MCU: variants seen among roughly 807,000 people sequenced by gnomAD.
MCU encodes mitochondrial calcium uniporter, also known as calcium uniporter protein, mitochondrial.
Under a neutral mutation model 45.2 loss-of-function variants are expected in MCU, and 12 were observed. That is an observed-to-expected ratio of 0.27 (90% CI 0.17 to 0.43). The LOEUF is 0.43. MCU is among the 20% of genes least tolerant of loss of function. The pLI is 1.00. For synonymous variants in MCU, 160 were observed against 165.1 expected (o/e 0.97, Z 0.24); for missense variants, 324 against 436.7 (o/e 0.74, Z 2.30).
At position 72,714,029 on chromosome 10, in the gene MCU, C is replaced by T. The variant is rs148772341; in HGVS notation, c.150+21728C>T. Among the ~76,000 whole-genome samples, 795 of 150,778 alleles carry T rather than the reference C, an allele frequency of 5.3e-3. 11 individuals carry two copies. The highest frequency in any genetic ancestry group is 0.018 in the African/African-American group (751 of 40,892). On this transcript the variant is annotated intron_variant, in intron 1 of 7. Transcript: ENST00000373053. The stretch of plus-strand genomic sequence containing the variant: ...TCGTCCAGCCTGGAGTGCAATGGCG[C>T]GATCTTGGCTCACTGCAACCTCCGC...
At chr10:72,859,406 T>G in intron 3 of MCU, 59 bp downstream of exon 3, 2 of 1,485,128 alleles carry the variant, frequency 1.3e-6, no homozygotes, top group South Asian at 2.5e-5. Context: ...ACACCATTTC[T>G]AGACACATAC....
At chr10:72,769,056 G>T (rs1843768901) in intron 1 of MCU, among the ~76,000 whole-genome samples, 1 of 151,638 alleles carries the variant, frequency 6.6e-6, no homozygotes. Flanking sequence ...GTCTTGGTAT[G>T]TTGCCCAGGC....
At chr10:72,800,812 T>C (rs1286321364) in intron 1 of MCU, among the ~76,000 whole-genome samples, 2 of 152,300 alleles carry the variant, frequency 1.3e-5, no homozygotes, top group South Asian at 2.1e-4. Context: ...ATCTAAGGTG[T>C]TGGATTATTT....
intron 1 of MCU, among the ~76,000 whole-genome samples, chr10:72,714,028 G>A (rs1842926832): frequency 6.6e-6 from 1 of 150,906 alleles, no homozygotes; most frequent in Admixed American, 6.6e-5. Flanking sequence ...GTGCAATGGC[G>A]CGATCTTGGC....
At chr10:72,707,308 C>T (rs1330469862) in intron 1 of MCU, among the ~76,000 whole-genome samples, 3 of 150,292 alleles carry the variant, frequency 2.0e-5, no homozygotes, top group African/African-American at 7.4e-5. Flanking sequence ...TAGCAATTCT[C>T]CTGCCTCAGC....
At chr10:72,864,786 A>G (rs1845428976) in intron 4 of MCU, among the ~76,000 whole-genome samples, 1 of 152,232 alleles carries the variant, frequency 6.6e-6, no homozygotes, top group Non-Finnish European at 1.5e-5. Flanking sequence ...TTAAACATGT[A>G]GATCAGGGAC....
chr10:72,824,474 G>T (rs1249581549), intron 1 of MCU, among the ~76,000 whole-genome samples: 2 of 151,542 alleles, frequency 1.3e-5, no homozygotes, highest in African/African-American at 4.9e-5. Flanking sequence ...CTCCCAAAGT[G>T]CTGGGATTAC....
At chr10:72,858,267 C>T (rs1459469333) in intron 2 of MCU, among the ~76,000 whole-genome samples, 1 of 152,202 alleles carries the variant, frequency 6.6e-6, no homozygotes, top group African/African-American at 2.4e-5. Context: ...CTTCATGCCC[C>T]TTCATGGGTC....
At chr10:72,796,069 C>G (rs1844240127) in intron 1 of MCU, among the ~76,000 whole-genome samples, 1 of 152,094 alleles carries the variant, frequency 6.6e-6, no homozygotes, top group Non-Finnish European at 1.5e-5. Flanking sequence ...TCACAAAACA[C>G]CAGGAAACCC....
intron 1 of MCU, among the ~76,000 whole-genome samples, chr10:72,804,430 C>A (rs1844398855): frequency 6.6e-6 from 1 of 151,992 alleles, no homozygotes; most frequent in Admixed American, 6.6e-5. Flanking sequence ...TCAAATACCA[C>A]AAAATCCAGA....
chr10:72,799,419 A>C (rs1844303540), intron 1 of MCU, among the ~76,000 whole-genome samples: 2 of 152,222 alleles, frequency 1.3e-5, no homozygotes, highest in African/African-American at 4.8e-5. Flanking sequence ...GTTAAGTTCC[A>C]GCCTTCACAA....
In MCU at chr10:72,856,972, G is replaced by A. The variant is rs576609178; in HGVS notation, c.221-2205G>A. On this transcript the variant is annotated intron_variant, in intron 2 of 7. Transcript: ENST00000373053. ...AAAAAAAAAAAGGTTTTAGACATGG[G>A]GTCCCACTCGGTTGCTCAGGCTGGA... Among the ~76,000 whole-genome samples, 4 of 150,830 alleles carry A rather than the reference G, an allele frequency of 2.7e-5. No homozygotes were observed. In the South Asian group the frequency reaches 8.4e-4, roughly 32 times the overall value.
chr10:72,845,395 G>T (rs544673216), intron 2 of MCU, among the ~76,000 whole-genome samples: 2 of 151,974 alleles, frequency 1.3e-5, no homozygotes, highest in Non-Finnish European at 2.9e-5. Flanking sequence ...CTGGTTTTTC[G>T]ATATATAAAT....
At chr10:72,751,048 TG>T (rs778421973) in intron 1 of MCU, among the ~76,000 whole-genome samples, 1 of 152,226 alleles carries the variant, frequency 6.6e-6, no homozygotes, top group Non-Finnish European at 1.5e-5. Context: ...TTGCCCAGGC[TG>T]GAATGCAGTG....
At chr10:72,849,859 A>G (rs1008339023) in intron 2 of MCU, among the ~76,000 whole-genome samples, 25 of 151,976 alleles carry the variant, frequency 1.6e-4, no homozygotes, top group African/African-American at 5.6e-4. Flanking sequence ...TAGTCAAATG[A>G]TGAGATCCAA....
At chr10:72,852,303 A>C (rs1357181393) in intron 2 of MCU, among the ~76,000 whole-genome samples, 6 of 152,270 alleles carry the variant, frequency 3.9e-5, no homozygotes, top group Admixed American at 3.9e-4. Context: ...TAGATAGTAC[A>C]TGCTATATAT....
intron 1 of MCU, among the ~76,000 whole-genome samples, chr10:72,729,567 A>T (rs111309101): frequency 6.6e-6 from 1 of 152,246 alleles, no homozygotes; most frequent in Admixed American, 6.5e-5. Context: ...ATGTTAGAAC[A>T]GTAACCACTC....
At chr10:72,722,600 T>C (rs184830342) in intron 1 of MCU, among the ~76,000 whole-genome samples, 136 of 151,984 alleles carry the variant, frequency 8.9e-4, no homozygotes, top group African/African-American at 2.7e-3. Context: ...ATAGCTATAG[T>C]TACTTTTTAA....
At chr10:72,790,714 G>C (rs1038831443) in intron 1 of MCU, among the ~76,000 whole-genome samples, 1 of 152,092 alleles carries the variant, frequency 6.6e-6, no homozygotes, top group Non-Finnish European at 1.5e-5. Context: ...GGGAAGGCTG[G>C]TGCTACATAA....
Sources: gnomAD v4.1 joint callset for allele counts (sites outside exome capture counted in the v4.1 genomes callset) on GRCh38, gnomAD v4.1.1 for gene constraint, MANE v1.5 for transcripts, NCBI Gene and HGNC (gene_info 2026-07-23, HGNC 2026-07-21) for gene names.